The following PRKN variants were observed in gnomAD, a reference collection of about 807,000 sequenced individuals.
PRKN encodes the protein E3 ubiquitin-protein ligase parkin.
In PRKN, 56 loss-of-function variants were observed where a neutral mutation model predicts 59.5. That is an observed-to-expected ratio of 0.94 (90% CI 0.76 to 1.18). The LOEUF is 1.18. Among genes scored for constraint, PRKN ranks in the 50% most tolerant of loss-of-function variants. PRKN has a pLI of 0.00. For missense variants in PRKN, 657 were observed against 596.4 expected (o/e 1.10, Z -1.06); for synonymous variants, 250 against 222.1 (o/e 1.13, Z -1.12).
chr6:162,204,073 A>T (rs1465786395), intron 3 of PRKN, among the ~76,000 whole-genome samples: 1 of 152,182 alleles, frequency 6.6e-6, no homozygotes, highest in Non-Finnish European at 1.5e-5. Context: ...AGTTTCTGAC[A>T]TCATGCTACT....
At chr6:162,524,593 T>C (rs994336623) in intron 1 of PRKN, among the ~76,000 whole-genome samples, 9 of 152,216 alleles carry the variant, frequency 5.9e-5, no homozygotes, top group Non-Finnish European at 1.3e-4. Flanking sequence ...TTCATTTTTA[T>C]GTGAATTCTT....
chr6:161,551,649 A>C lies in PRKN; in HGVS notation c.934-2646T>G, dbSNP rs1314084560. 6.6e-6 allele frequency among the ~76,000 whole-genome samples: 1 copy of C among 152,202 alleles called. No individual in the cohort carries two copies. The highest frequency in any genetic ancestry group is 1.5e-5 in the Non-Finnish European group (1 of 68,034). Reference sequence around the variant, plus strand: ...ATGGAGCCAAAAGCCTTTGGAGTGGAGTCCAGAAAGACTCGGAGGAGAGAA... The same window carrying C: ...ATGGAGCCAAAAGCCTTTGGAGTGGCGTCCAGAAAGACTCGGAGGAGAGAA... On this transcript the variant is annotated intron_variant, in intron 8 of 11. Transcript: ENST00000366898. The surrounding 1 kb of genome is among the most constrained non-coding windows in gnomAD (Gnocchi z 5.2).
chr6:162,114,027 A>T (rs1780558562), intron 4 of PRKN, among the ~76,000 whole-genome samples: 1 of 151,262 alleles, frequency 6.6e-6, no homozygotes, highest in Non-Finnish European at 1.5e-5. Flanking sequence ...ATAGTTGTAG[A>T]TATGTGGCAT....
chr6:161,680,769 ATATATATTT>A (rs1785319254), intron 7 of PRKN, among the ~76,000 whole-genome samples: 5 of 13,050 alleles, frequency 3.8e-4, no homozygotes, highest in African/African-American at 9.9e-4. Context: ...ATATATATAT[ATATATATTT>A]TTTTTTTTTT....
intron 1 of PRKN, among the ~76,000 whole-genome samples, chr6:162,459,037 C>T (rs940874722): frequency 1.3e-5 from 2 of 152,118 alleles, no homozygotes; most frequent in Non-Finnish European, 2.9e-5. Context: ...CCAGGCAGGA[C>T]TTCAACTCCT....
chr6:161,522,819 T>C (rs505693), intron 9 of PRKN, among the ~76,000 whole-genome samples: 126,173 of 152,220 alleles, frequency 0.83, 52,638 homozygotes, highest in Middle Eastern at 0.87. Context: ...TTCCCTTCTA[T>C]CTCAATCCCA....
At chr6:161,860,832 C>T (rs1408849957) in intron 6 of PRKN, among the ~76,000 whole-genome samples, 9 of 152,192 alleles carry the variant, frequency 5.9e-5, no homozygotes, top group Non-Finnish European at 1.3e-4. Flanking sequence ...TAAACAAAAG[C>T]TCATCATCAC....
intron 1 of PRKN, chr6:162,569,251 A>ACATC (rs1394696301): frequency 8.6e-6 from 5 of 578,070 alleles, no homozygotes; most frequent in Non-Finnish European, 1.6e-5. Context: ...AGGGCCTCAA[A>ACATC]AGCCAGAGGG....
intron 1 of PRKN, among the ~76,000 whole-genome samples, chr6:162,616,272 C>T (rs1264995519): frequency 1.3e-5 from 2 of 152,190 alleles, no homozygotes; most frequent in Middle Eastern, 3.4e-3. Context: ...TGATAGTAAG[C>T]CCGCTGGGGA....
At chr6:162,016,189 CTGT>C (rs1252338485) in intron 5 of PRKN, among the ~76,000 whole-genome samples, 1 of 152,042 alleles carries the variant, frequency 6.6e-6, no homozygotes, top group Non-Finnish European at 1.5e-5. Flanking sequence ...GGCGACACAT[CTGT>C]TGTTGTTCCA....
chr6:161,507,307 G>A (rs1778210047), intron 9 of PRKN, among the ~76,000 whole-genome samples: 1 of 152,116 alleles, frequency 6.6e-6, no homozygotes, highest in East Asian at 1.9e-4. Context: ...TATCTTTTCA[G>A]TGTGGCATTT....
chr6:161,972,545 T>C (rs1264865359), intron 6 of PRKN, among the ~76,000 whole-genome samples: 1 of 152,190 alleles, frequency 6.6e-6, no homozygotes, highest in Non-Finnish European at 1.5e-5. Flanking sequence ...TCTCCACATT[T>C]GCTTGCTTTT....
intron 6 of PRKN, among the ~76,000 whole-genome samples, chr6:161,841,231 G>A (rs6919629): frequency 6.6e-6 from 1 of 152,162 alleles, no homozygotes; most frequent in Non-Finnish European, 1.5e-5. Flanking sequence ...ACAGCAAGAG[G>A]GTGAGGAGGT....
intron 2 of PRKN, among the ~76,000 whole-genome samples, chr6:162,302,281 G>C (rs774623071): frequency 2.0e-5 from 3 of 151,736 alleles, no homozygotes; most frequent in Non-Finnish European, 2.9e-5. Flanking sequence ...TATTGTGTAT[G>C]AGAGGAATCC....
In PRKN at chr6:161,937,685, A is replaced by G. The variant is rs371355630; in HGVS notation, c.734+35617T>C. 4.6e-5 allele frequency among the ~76,000 whole-genome samples: 7 copies of G among 152,358 alleles called. No homozygotes were observed. The South Asian group carries it at 8.3e-4, about 18-fold the overall frequency. On this transcript the variant is annotated intron_variant, in intron 6 of 11. Transcript: ENST00000366898. ...GAACTCTTTTTAGTGAAATCAGATT[A>G]TTAATCTAAGATCCAGCAGGAGAAG...
At chr6:161,990,500 A>G in intron 5 of PRKN, among the ~76,000 whole-genome samples, 1 of 152,264 alleles carries the variant, frequency 6.6e-6, no homozygotes, top group East Asian at 1.9e-4. Flanking sequence ...AAAAGATACG[A>G]AATATCAGAA....
chr6:162,327,922 C>T (rs1317087247), intron 2 of PRKN, among the ~76,000 whole-genome samples: 5 of 152,052 alleles, frequency 3.3e-5, no homozygotes, highest in African/African-American at 1.2e-4. Context: ...CAGCGTTTCT[C>T]AATGGTCTAC....
chr6:161,740,829 C>A (rs994879662), intron 7 of PRKN, among the ~76,000 whole-genome samples: 1 of 152,108 alleles, frequency 6.6e-6, no homozygotes, highest in Non-Finnish European at 1.5e-5. Context: ...GAAAGTCTAT[C>A]AAAAAACAAA....
At chr6:161,430,279 A>G (rs1017932017) in intron 9 of PRKN, among the ~76,000 whole-genome samples, 4 of 152,236 alleles carry the variant, frequency 2.6e-5, no homozygotes, top group African/African-American at 9.6e-5. Flanking sequence ...GCATTAATCC[A>G]TCCATGAGGG....
Sources: gnomAD v4.1 joint callset for allele counts (sites outside exome capture counted in the v4.1 genomes callset) on GRCh38, gnomAD v4.1.1 for gene constraint, Gnocchi (gnomAD v3.1) non-coding constraint, MANE v1.5 for transcripts, NCBI Gene and HGNC (gene_info 2026-07-23, HGNC 2026-07-21) for gene names.